The following UGT1A9 variants were observed in gnomAD, a reference collection of about 807,000 sequenced individuals.
UGT1A9 encodes UDP glucuronosyltransferase family 1 member A9.
Under a neutral mutation model 45.0 loss-of-function variants are expected in UGT1A9, and 35 were observed. The observed-to-expected ratio is 0.78, with a 90% CI of 0.59 to 1.03. The LOEUF (loss-of-function observed/expected upper bound fraction) is 1.03. UGT1A9 is among the 50% of genes least tolerant of loss of function. The pLI is 0.00. For missense variants in UGT1A9, 687 were observed against 666.6 expected, an observed-to-expected ratio of 1.03 and a Z score of -0.34; for synonymous variants, 278 against 250.6, an observed-to-expected ratio of 1.11 and a Z score of -1.03.
Position 233,727,746 on chromosome 2 carries a change from G to C in UGT1A9, c.856-39288G>C, listed in dbSNP as rs369193942. Among the ~76,000 whole-genome samples the C allele has an allele frequency of 3.3e-5, 5 of 152,290 alleles. No individual in the cohort carries two copies. The East Asian group carries it at 7.7e-4, about 24-fold the overall frequency. On this transcript the variant is annotated intron_variant, in intron 1 of 4. Coordinates refer to ENST00000354728, the MANE Select transcript of UGT1A9 (RefSeq NM_021027.3). Reference sequence around the variant, plus strand: ...CTTCCTTTTCTGTGCCATCCTGCGTGTGCTGCCCTTGAGCTGGGTGTCCCC... The same window carrying C: ...CTTCCTTTTCTGTGCCATCCTGCGTCTGCTGCCCTTGAGCTGGGTGTCCCC...
At chr2:233,770,826 A>G (rs1269125180) in intron 4 of UGT1A9, 5 of 152,196 alleles carry the variant, frequency 3.3e-5, no homozygotes, top group Admixed American at 3.3e-4. Context: ...CTGTTCTTGC[A>G]TTGCTGTAAA....
chr2:233,691,615 C>T lies in UGT1A9; in HGVS notation c.855+18826C>T. 4.1e-6 allele frequency: 4 copies of T among 985,680 alleles called. No homozygotes were observed. In the South Asian group the frequency reaches 1.9e-4, roughly 46 times the overall value. The allele number at this position is 985,680 out of a possible 1,614,324, so 61.1% of individuals were successfully genotyped here. ...TACACAGGTCTTGCTCTGGGACCGC[C>T]CTCAGCAGTGTGGTTAGCAGGCAGG... On this transcript the variant is annotated intron_variant, in intron 1 of 4. Coordinates refer to ENST00000354728, the MANE Select transcript of UGT1A9 (RefSeq NM_021027.3).
At chr2:233,690,502 A>C in intron 1 of UGT1A9, 2 of 1,289,594 alleles carry the variant, frequency 1.6e-6, no homozygotes, top group Non-Finnish European at 2.0e-6. Context: ...TTGCCAACAG[A>C]GATTTGTTTT....
At position 233,719,049 on chromosome 2, in the gene UGT1A9, C is replaced by G. The variant is rs544702876; in HGVS notation, c.855+46260C>G. 2.5e-6 allele frequency: 4 copies of G among 1,614,286 alleles called. No individual in the cohort carries two copies. The East Asian group carries it at 6.7e-5, about 27-fold the overall frequency. ...CATCAAAGAAGAGAAATTTTTCACCCTGACAGCCTATGCTGTTCCATGGAC... is the reference window on the plus strand; with the variant it reads ...CATCAAAGAAGAGAAATTTTTCACCGTGACAGCCTATGCTGTTCCATGGAC... On this transcript the variant is annotated intron_variant, in intron 1 of 4. Transcript: ENST00000354728.
rs542562674 is a variant in UGT1A9, at chr2:233,763,721, C to G, written c.856-3313C>G. 2.0e-5 allele frequency among the ~76,000 whole-genome samples: 3 copies of G among 152,262 alleles called. No homozygotes were observed. The South Asian group carries it at 6.2e-4, about 32-fold the overall frequency. On this transcript the variant is annotated intron_variant, in intron 1 of 4. Coordinates refer to ENST00000354728, the MANE Select transcript of UGT1A9 (RefSeq NM_021027.3). Reference sequence around the variant, plus strand: ...TGCACAAAGAAGTCCATAGAGAAAGCACAACCTGGCATTGGCGTGTCTTTG... The same window carrying G: ...TGCACAAAGAAGTCCATAGAGAAAGGACAACCTGGCATTGGCGTGTCTTTG...
At chr2:233,739,899 T>G (rs1691241474) in intron 1 of UGT1A9, among the ~76,000 whole-genome samples, 1 of 151,876 alleles carries the variant, frequency 6.6e-6, no homozygotes, top group South Asian at 2.1e-4. Context: ...CCAAATCTCA[T>G]CTCATATTGT....
At chr2:233,714,888 A>ATCTTTTTTTTT (rs148944858) in intron 1 of UGT1A9, among the ~76,000 whole-genome samples, 2 of 151,904 alleles carry the variant, frequency 1.3e-5, no homozygotes, top group African/African-American at 2.4e-5. Context: ...AAATTTTTCT[A>ATCTTTTTTTTT]TCTTTTGAGA....
In UGT1A9 at chr2:233,713,110, A is replaced by C. The variant is rs151218104; in HGVS notation, c.855+40321A>C. On this transcript the variant is annotated intron_variant, in intron 1 of 4. Transcript: ENST00000354728. ...CTGGTGGTGCCCACTGATGGCAGCC[A>C]CTGGCTCAGCATGCGGGAGGCCTTG... 3.3e-5 allele frequency: 53 copies of C among 1,614,090 alleles called. No individual in the cohort carries two copies. In the African/African-American group the frequency reaches 3.6e-4, roughly 11 times the overall value.
chr2:233,742,787 T>A (rs955891060), intron 1 of UGT1A9: 16 of 153,018 alleles, frequency 1.0e-4, no homozygotes, highest in African/African-American at 3.9e-4. Flanking sequence ...TGAACCATCA[T>A]TAAATTAAGC....
chr2:233,708,891 G>A (rs1366135571), intron 1 of UGT1A9, among the ~76,000 whole-genome samples: 1 of 151,994 alleles, frequency 6.6e-6, no homozygotes, highest in African/African-American at 2.4e-5. Flanking sequence ...AACAATCTCA[G>A]GGGCTATCTG....
chr2:233,749,861 C>T (rs1160641293), intron 1 of UGT1A9, among the ~76,000 whole-genome samples: 2 of 151,980 alleles, frequency 1.3e-5, no homozygotes, highest in Non-Finnish European at 2.9e-5. Context: ...CTCTCACTTT[C>T]TGCCAGGATT....
chr2:233,684,122 A>T (rs2125528106), intron 1 of UGT1A9, among the ~76,000 whole-genome samples: 1 of 152,280 alleles, frequency 6.6e-6, no homozygotes, highest in South Asian at 2.1e-4. Flanking sequence ...CTGGCTTCTT[A>T]CAAAGTTCAG....
At chr2:233,762,330 T>C (rs150255996) in intron 1 of UGT1A9, among the ~76,000 whole-genome samples, 11 of 152,350 alleles carry the variant, frequency 7.2e-5, no homozygotes, top group African/African-American at 1.9e-4. Flanking sequence ...TAATCCACAA[T>C]AGCTCTTTTT....
intron 1 of UGT1A9, chr2:233,743,799 C>T: frequency 7.3e-7 from 1 of 1,367,352 alleles, no homozygotes. Flanking sequence ...TCCGCTTCCT[C>T]CTTGTTCTCA....
In UGT1A9 at chr2:233,682,392, C is replaced by A. The variant is rs750575288; in HGVS notation, c.855+9603C>A. Reference sequence around the variant, plus strand: ...GCAGTGTTTCTCGATCCTTTTGATGCCTGTGGCTTAATTGTTGCCAAATAT... The same window carrying A: ...GCAGTGTTTCTCGATCCTTTTGATGACTGTGGCTTAATTGTTGCCAAATAT... On this transcript the variant is annotated intron_variant, in intron 1 of 4. Coordinates refer to ENST00000354728, the MANE Select transcript of UGT1A9 (RefSeq NM_021027.3). 7 of 1,613,732 alleles carry A rather than the reference C, an allele frequency of 4.3e-6. No individual in the cohort carries two copies. The highest frequency in any genetic ancestry group is 2.7e-5 in the African/African-American group (2 of 74,862).
At chr2:233,731,284 C>CTTTTTTTTTTT (rs78127606) in intron 1 of UGT1A9, among the ~76,000 whole-genome samples, 1 of 139,762 alleles carries the variant, frequency 7.2e-6, no homozygotes. Flanking sequence ...GTTTTTCTTT[C>CTTTTTTTTTTT]TTTTTTTTTT....
chr2:233,731,634 A>G (rs547560003), intron 1 of UGT1A9, among the ~76,000 whole-genome samples: 6 of 152,300 alleles, frequency 3.9e-5, no homozygotes, highest in African/African-American at 9.6e-5. Flanking sequence ...TTATGGCTGC[A>G]TAGTATTCCA....
At chr2:233,771,437 T>C (rs981684428) in intron 4 of UGT1A9, 1 of 152,226 alleles carries the variant, frequency 6.6e-6, no homozygotes, top group Non-Finnish European at 1.5e-5. Context: ...CATTTTGCAC[T>C]AAGTGGCTGC....
At chr2:233,746,697 A>G (rs1693455555) in intron 1 of UGT1A9, among the ~76,000 whole-genome samples, 1 of 151,702 alleles carries the variant, frequency 6.6e-6, no homozygotes, top group African/African-American at 2.4e-5. Context: ...CATTCCATAA[A>G]TATTTGGTGG....
Sources: allele counts gnomAD v4.1 joint callset (sites outside exome capture counted in the v4.1 genomes callset), GRCh38; gene constraint gnomAD v4.1.1; transcripts MANE v1.5; gene names NCBI Gene and HGNC (gene_info 2026-07-23, HGNC 2026-07-21).